CADM2: variants seen among roughly 807,000 people sequenced by gnomAD.
CADM2 encodes cell adhesion molecule 2.
A neutral mutation model predicts 49.8 loss-of-function variants in CADM2; 12 were observed. The observed-to-expected ratio is 0.24, with a 90% CI of 0.15 to 0.39. The LOEUF (loss-of-function observed/expected upper bound fraction) is 0.39. Ranked by LOEUF, CADM2 falls within the 10% of genes least tolerant of loss-of-function variation. CADM2 has a pLI of 1.00. For synonymous variants in CADM2, 214 were observed against 175.4 expected (o/e 1.22, Z -1.74); for missense variants, 378 against 492.3 (o/e 0.77, Z 2.20).
At position 85,325,085 on chromosome 3, in the gene CADM2, C is replaced by T. The variant is rs946717665; in HGVS notation, c.61+365417C>T. On this transcript the variant is annotated intron_variant, in intron 1 of 9. Transcript: ENST00000383699. The stretch of plus-strand genomic sequence containing the variant: ...AGACAGCACAGGCTGCTTTATGTTC[C>T]ACATGAAATGGTAAAAATAGTATGA... Among the ~76,000 whole-genome samples, 5 of 152,286 alleles carry T rather than the reference C, an allele frequency of 3.3e-5. No homozygotes were observed. In the East Asian group the frequency reaches 9.7e-4, roughly 29 times the overall value.
chr3:85,926,378 A>G (rs1235586908), intron 6 of CADM2, among the ~76,000 whole-genome samples: 1 of 152,064 alleles, frequency 6.6e-6, no homozygotes, highest in Non-Finnish European at 1.5e-5. Flanking sequence ...AAATATCTTC[A>G]GACATTTTCA....
chr3:85,885,941 T>C (rs1713588158), intron 4 of CADM2, among the ~76,000 whole-genome samples: 1 of 151,904 alleles, frequency 6.6e-6, no homozygotes, highest in East Asian at 1.9e-4. Flanking sequence ...CTATATATAT[T>C]TATATATCTG....
Position 85,622,143 on chromosome 3 carries a change from T to A in CADM2, c.62-104379T>A, listed in dbSNP as rs115011089. Among the ~76,000 whole-genome samples, 643 of 152,280 alleles carry A rather than the reference T, an allele frequency of 4.2e-3. 3 individuals are homozygous for A. The highest frequency in any genetic ancestry group is 0.027 in the Middle Eastern group (8 of 294). The stretch of plus-strand genomic sequence containing the variant: ...GAAACTATAGATTCTTACAAATACA[T>A]TGTACAGATAGATGCCTTCACCACC... On this transcript the variant is annotated intron_variant, in intron 1 of 9. Transcript: ENST00000383699.
intron 2 of CADM2, among the ~76,000 whole-genome samples, chr3:85,744,573 A>G (rs2068533195): frequency 6.6e-6 from 1 of 152,176 alleles, no homozygotes; most frequent in Non-Finnish European, 1.5e-5. Flanking sequence ...TACTCGGGGT[A>G]AGGTCTTAAT....
intron 1 of CADM2, among the ~76,000 whole-genome samples, chr3:85,663,567 C>CTA (rs1460184979): frequency 1.3e-5 from 2 of 152,116 alleles, no homozygotes; most frequent in Middle Eastern, 3.4e-3. Flanking sequence ...TTCTGTCTTG[C>CTA]TATTACTAGC....
intron 1 of CADM2, among the ~76,000 whole-genome samples, chr3:85,567,782 T>G (rs747531152): frequency 3.9e-5 from 6 of 152,174 alleles, no homozygotes; most frequent in African/African-American, 7.2e-5. Context: ...GTAGCATGAC[T>G]CTGTCCAAAT....
chr3:85,368,152 C>A (rs2032935012), intron 1 of CADM2, among the ~76,000 whole-genome samples: 1 of 151,972 alleles, frequency 6.6e-6, no homozygotes, highest in Admixed American at 6.6e-5. Context: ...TTGTGTTTGA[C>A]CAGAGCCCTT....
intron 1 of CADM2, among the ~76,000 whole-genome samples, chr3:85,136,417 CAGA>C (rs1575954619): frequency 6.6e-6 from 1 of 151,610 alleles, no homozygotes; most frequent in African/African-American, 2.4e-5. Context: ...AGTTTAGAAA[CAGA>C]AGATTGTATT....
At chr3:85,338,646 A>G (rs1392150603) in intron 1 of CADM2, among the ~76,000 whole-genome samples, 1 of 151,550 alleles carries the variant, frequency 6.6e-6, no homozygotes, top group Non-Finnish European at 1.5e-5. Context: ...ACATCTTCAT[A>G]TAGATTATTT....
At chr3:85,652,812 C>CTGT (rs1348903761) in intron 1 of CADM2, among the ~76,000 whole-genome samples, 1 of 73,974 alleles carries the variant, frequency 1.4e-5, no homozygotes, top group Non-Finnish European at 2.5e-5. Flanking sequence ...GAGTCTTGCT[C>CTGT]TGTTGCCCAA....
At position 85,157,360 on chromosome 3, in the gene CADM2, A is replaced by C. The variant is rs542049284; in HGVS notation, c.61+197692A>C. Among the ~76,000 whole-genome samples, 568 of 151,580 alleles carry C rather than the reference A, an allele frequency of 3.7e-3. 3 individuals carry two copies. Among genetic ancestry groups the C allele is most frequent in the African/African-American group, 0.013 (542 of 41,220 alleles). On this transcript the variant is annotated intron_variant, in intron 1 of 9. Coordinates refer to ENST00000383699, the MANE Select transcript of CADM2 (RefSeq NM_001167675.2). ...ACTACTTTAAAGTTCATATGGAACC[A>C]AAAAAGAGCCCGCATCGCCAAGTCA... is the stretch of plus-strand genomic sequence containing the variant.
intron 1 of CADM2, among the ~76,000 whole-genome samples, chr3:85,339,361 A>G (rs897625889): frequency 5.3e-5 from 8 of 151,514 alleles, no homozygotes; most frequent in Non-Finnish European, 8.9e-5. Context: ...CTCTGAAAGA[A>G]CAAGTGTAAT....
At chr3:85,000,686 G>T (rs1036312198) in intron 1 of CADM2, among the ~76,000 whole-genome samples, 2 of 151,784 alleles carry the variant, frequency 1.3e-5, no homozygotes, top group Non-Finnish European at 2.9e-5. Flanking sequence ...ACTCTTGGTT[G>T]TTGTTTTTTT....
chr3:84,966,626 T>G (rs911586016), intron 1 of CADM2, among the ~76,000 whole-genome samples: 2 of 152,184 alleles, frequency 1.3e-5, no homozygotes, highest in South Asian at 2.1e-4. Flanking sequence ...TGATAAGAAC[T>G]TGTTACTACT....
chr3:85,978,064 T>C (rs531745932), intron 8 of CADM2, among the ~76,000 whole-genome samples: 37 of 151,768 alleles, frequency 2.4e-4, no homozygotes, highest in African/African-American at 8.7e-4. Context: ...GAGGGCTATG[T>C]GACAAACATG....
Position 86,067,320 on chromosome 3 carries a change from A to T in CADM2, c.*537A>T, listed in dbSNP as rs577921941. The T allele has an allele frequency of 1.3e-5, 2 of 152,044 alleles. No individual in the cohort carries two copies. The highest frequency in any genetic ancestry group is 1.3e-4 in the Admixed American group (2 of 15,196). The allele number at this position is 152,044 out of a possible 1,614,324, so 9.4% of individuals were successfully genotyped here. On this transcript the variant is annotated 3_prime_UTR_variant, in exon 10 of 10. Transcript: ENST00000383699. Reference sequence around the variant, plus strand: ...CATATGTCCTAGAAAACATAAAATTAAAAAAAAACACTATAGTGTAGTTTT... The same window carrying T: ...CATATGTCCTAGAAAACATAAAATTTAAAAAAAACACTATAGTGTAGTTTT...
chr3:85,521,462 G>A (rs2061024881), intron 1 of CADM2, among the ~76,000 whole-genome samples: 1 of 152,052 alleles, frequency 6.6e-6, no homozygotes, highest in Admixed American at 6.6e-5. Flanking sequence ...ACTCTTTTAT[G>A]TTTGCGTCTT....
intron 1 of CADM2, among the ~76,000 whole-genome samples, chr3:85,218,252 C>A (rs2041974495): frequency 6.6e-6 from 1 of 151,842 alleles, no homozygotes; most frequent in Admixed American, 6.6e-5. Flanking sequence ...CCATATTTAC[C>A]ATTAGAACAA....
At position 86,026,535 on chromosome 3, in the gene CADM2, A is replaced by AT. The variant is rs1283351153; in HGVS notation, c.971-39066dup. Among the ~76,000 whole-genome samples, 3 of 152,090 alleles carry AT rather than the reference A, an allele frequency of 2.0e-5. No homozygotes were observed. In the East Asian group the frequency reaches 5.8e-4, roughly 29 times the overall value. On this transcript the variant is annotated intron_variant, in intron 8 of 9. Transcript: ENST00000383699. ...CTCCAGCTAATATCACTCTCCAATG[A>AT]TTTTGTTTGTTTTCAATTTACTGGT...
Sources: gnomAD v4.1 joint callset for allele counts (sites outside exome capture counted in the v4.1 genomes callset) on GRCh38, gnomAD v4.1.1 for gene constraint, MANE v1.5 for transcripts, NCBI Gene and HGNC (gene_info 2026-07-23, HGNC 2026-07-21) for gene names.